The following ADH1C variants were observed in gnomAD, a reference collection of about 807,000 sequenced individuals.
The protein encoded by ADH1C is alcohol dehydrogenase 1C.
Under a neutral mutation model 35.0 loss-of-function variants are expected in ADH1C, and 26 were observed. The ratio of observed to expected loss-of-function variants is 0.74; its 90% CI spans 0.54 to 1.03. ADH1C has a LOEUF of 1.03. Ranked by LOEUF, ADH1C falls within the 50% of genes least tolerant of loss-of-function variation. The pLI is 0.00. For missense variants in ADH1C, 413 were observed against 465.4 expected, an observed-to-expected ratio of 0.89 and a Z score of 1.04; for synonymous variants, 170 against 169.3, an observed-to-expected ratio of 1.00 and a Z score of -0.03.
intron 5 of ADH1C, among the ~76,000 whole-genome samples, chr4:99,343,641 T>A (rs1365875362): frequency 6.6e-6 from 1 of 152,204 alleles, no homozygotes; most frequent in Non-Finnish European, 1.5e-5. Flanking sequence ...AAAATACACT[T>A]GTGAACAACA....
chr4:99,347,994 AGAGAAT>A (rs1394271398), intron 1 of ADH1C, 148 bp from the exon 2 acceptor site: 3 of 792,430 alleles, frequency 3.8e-6, no homozygotes, highest in Non-Finnish European at 5.8e-6. Flanking sequence ...TGGTTTATAA[AGAGAAT>A]AAGAGTATCT....
intron 6 of ADH1C, among the ~76,000 whole-genome samples, chr4:99,341,296 G>A (rs768114899): frequency 6.6e-6 from 1 of 152,154 alleles, no homozygotes; most frequent in Non-Finnish European, 1.5e-5. Flanking sequence ...TCAAAAGACA[G>A]TTCAGAAAAT....
chr4:99,343,608 T>C (rs1023760930), intron 5 of ADH1C, among the ~76,000 whole-genome samples: 9 of 152,244 alleles, frequency 5.9e-5, no homozygotes, highest in Admixed American at 4.6e-4. Flanking sequence ...TCAGTAGTCG[T>C]GACCAGTATA....
chr4:99,340,770 T>C (rs956253338), intron 6 of ADH1C, 60 bp from the exon 7 acceptor site: 5 of 1,604,464 alleles, frequency 3.1e-6, no homozygotes, highest in Admixed American at 1.7e-5. Flanking sequence ...ATACTCATAA[T>C]GCACAATATC....
At chr4:99,347,910 T>A in intron 1 of ADH1C, 64 bp from the exon 2 acceptor site, 1 of 1,584,502 alleles carries the variant, frequency 6.3e-7, no homozygotes, top group Middle Eastern at 1.7e-4. Context: ...AAATTGTGTC[T>A]TTTCATCTTT....
chr4:99,344,827 G>A (rs761399654), intron 5 of ADH1C, 35 bp downstream of exon 5: 56 of 1,612,814 alleles, frequency 3.5e-5, no homozygotes, highest in Non-Finnish European at 4.4e-5. Flanking sequence ...GACAGTCTGC[G>A]TGTAACCGGT....
At position 99,340,650 on chromosome 4, in the gene ADH1C, G is replaced by A. The variant is rs1255155178; in HGVS notation, c.889C>T (p.Pro297Ser). The A allele has an allele frequency of 1.2e-6, 2 of 1,613,404 alleles. No homozygotes were observed. Among genetic ancestry groups the A allele is most frequent in the Non-Finnish European group, 8.5e-7 (1 of 1,180,006 alleles). ...TTTATTGAGAGGTTCTGGGAATCAG[G>A]AGGTACCCCTACAATGACACTTGTG... ...CGTSVIVGVP[P>S]DSQNLSINPM... Residue 297 changes from proline to serine, a missense_variant, in exon 7 of 9, where the codon CCT (proline) becomes TCT (serine). Transcript: ENST00000515683.
chr4:99,346,228 G>A (rs1249795503), intron 3 of ADH1C, among the ~76,000 whole-genome samples: 1 of 151,940 alleles, frequency 6.6e-6, no homozygotes, highest in African/African-American at 2.4e-5. Context: ...AACATTTTAT[G>A]GGTAAAGTTC....
At chr4:99,338,393 T>TTA (rs1334509876) in intron 8 of ADH1C, among the ~76,000 whole-genome samples, 1,449 of 73,016 alleles carry the variant, frequency 0.02, 253 homozygotes, top group African/African-American at 0.032. Context: ...GAATACTGTT[T>TTA]TCTATATATA....
At chr4:99,347,881 T>G in intron 1 of ADH1C, 35 bp from the exon 2 acceptor site, 1 of 1,610,340 alleles carries the variant, frequency 6.2e-7, no homozygotes, top group Non-Finnish European at 8.5e-7. Context: ...TACCAGTGTT[T>G]TCCCACGCTT....
intron 1 of ADH1C, among the ~76,000 whole-genome samples, chr4:99,350,691 G>T (rs1173427735): frequency 6.6e-6 from 1 of 152,182 alleles, no homozygotes; most frequent in African/African-American, 2.4e-5. Context: ...AAATTGTGCT[G>T]CTGTAAACAA....
At chr4:99,350,781 T>G (rs760218495) in intron 1 of ADH1C, among the ~76,000 whole-genome samples, 6 of 152,184 alleles carry the variant, frequency 3.9e-5, no homozygotes, top group African/African-American at 7.2e-5. Context: ...TCTGAAATAA[T>G]TGAGGATCAA....
intron 2 of ADH1C, 28 bp downstream of exon 2, chr4:99,347,717 T>C: frequency 6.3e-7 from 1 of 1,575,358 alleles, no homozygotes; most frequent in Non-Finnish European, 8.6e-7. Context: ...AAACTTAAAA[T>C]TAAATACAAA....
intron 8 of ADH1C, 127 bp from the exon 9 acceptor site, chr4:99,336,903 A>T: frequency 7.8e-7 from 1 of 1,288,578 alleles, no homozygotes. Context: ...CTCCCTTCCC[A>T]TCCCTATGCA....
intron 1 of ADH1C, among the ~76,000 whole-genome samples, chr4:99,349,457 A>G (rs948867160): frequency 7.2e-5 from 11 of 152,124 alleles, no homozygotes; most frequent in Non-Finnish European, 1.3e-4. Context: ...ACCCACAACT[A>G]TTGGCTGGTA....
At position 99,336,572 on chromosome 4, in the gene ADH1C, T is replaced by G. The variant is rs984529564; in HGVS notation, c.*180A>C. 2.5e-6 allele frequency: 2 copies of G among 795,968 alleles called. No individual in the cohort carries two copies. The highest frequency in any genetic ancestry group is 3.5e-5 in the African/African-American group (2 of 56,842). 49.3% of individuals were successfully genotyped at this position (795,968 alleles called of 1,614,324 possible). A position where few individuals can be genotyped will look rare whatever the true frequency, so the allele number is the denominator to read the frequency against. On this transcript the variant is annotated 3_prime_UTR_variant, in exon 9 of 9. Transcript: ENST00000515683. ...ACTTTATTTAGTTCTCATTTGGATT[T>G]TAAACATTTGCTTGACAAATAATTT...
Position 99,339,155 on chromosome 4 carries a change from A to C in ADH1C, c.1103+422T>G, listed in dbSNP as rs1644635045. 3.3e-5 allele frequency among the ~76,000 whole-genome samples: 5 copies of C among 152,256 alleles called. No homozygotes were observed. In the South Asian group the frequency reaches 1.0e-3, roughly 32 times the overall value. ...ACCTACTCCCATAATGAATATGCTG[A>C]GGATGTCCTGAAAATAATTTTAATA... On this transcript the variant is annotated intron_variant, in intron 8 of 8. Coordinates refer to ENST00000515683, the MANE Select transcript of ADH1C (RefSeq NM_000669.5).
chr4:99,352,681 T>A lies in ADH1C; in HGVS notation c.-6A>T, dbSNP rs1384333528. The A allele has an allele frequency of 2.0e-5, 33 of 1,613,022 alleles. No homozygotes were observed. Among genetic ancestry groups the A allele is most frequent in the Non-Finnish European group, 2.5e-5 (29 of 1,179,288 alleles). ...ACTTTTCCTGCTGTGCTCATATTGA[T>A]TCTGTCTTCTCTGCAGACCAGGAGG... On this transcript the variant is annotated 5_prime_UTR_variant, in exon 1 of 9. Transcript: ENST00000515683.
At position 99,352,679 on chromosome 4, in the gene ADH1C, G is replaced by A; in HGVS notation, c.-4C>T. On this transcript the variant is annotated 5_prime_UTR_variant, in exon 1 of 9. Transcript: ENST00000515683. ...TTACTTTTCCTGCTGTGCTCATATT[G>A]ATTCTGTCTTCTCTGCAGACCAGGA... is the stretch of plus-strand genomic sequence containing the variant. 1 of 1,612,732 alleles carries A rather than the reference G, an allele frequency of 6.2e-7. No individual in the cohort carries two copies. Among genetic ancestry groups the A allele is most frequent in the Non-Finnish European group, 8.5e-7 (1 of 1,179,118 alleles).
Sources: gnomAD v4.1 joint callset for allele counts (sites outside exome capture counted in the v4.1 genomes callset) on GRCh38, gnomAD v4.1.1 for gene constraint, MANE v1.5 for transcripts, NCBI Gene and HGNC (gene_info 2026-07-23, HGNC 2026-07-21) for gene names.